HS3ST5: variants seen among roughly 807,000 people sequenced by gnomAD.
HS3ST5 encodes heparan sulfate glucosamine 3-O-sulfotransferase 5.
Under a neutral mutation model 25.4 loss-of-function variants are expected in HS3ST5, and 10 were observed. The observed-to-expected ratio is 0.39, with a 90% CI of 0.24 to 0.67. HS3ST5 has a LOEUF of 0.67. HS3ST5 is among the 30% of genes least tolerant of loss of function. The probability of loss-of-function intolerance (pLI) is 0.44; values close to 1 mark genes in which losing one functional copy is unlikely to be tolerated. For missense variants in HS3ST5, 324 were observed against 420.7 expected, an observed-to-expected ratio of 0.77 and a Z score of 2.01; for synonymous variants, 170 against 162.4, an observed-to-expected ratio of 1.05 and a Z score of -0.36.
At chr6:114,169,076 C>T (rs760660736) in intron 2 of HS3ST5, among the ~76,000 whole-genome samples, 59 of 152,108 alleles carry the variant, frequency 3.9e-4, no homozygotes, top group Non-Finnish European at 7.2e-4. Flanking sequence ...ATGAAACAGA[C>T]TGCAATGCCA....
intron 2 of HS3ST5, among the ~76,000 whole-genome samples, chr6:114,202,990 T>C (rs111601019): frequency 2.0e-5 from 3 of 152,218 alleles, no homozygotes; most frequent in Non-Finnish European, 2.9e-5. Context: ...AGTTGAGGCA[T>C]GGCCAACTCT....
intron 1 of HS3ST5, among the ~76,000 whole-genome samples, chr6:114,236,745 G>A (rs982713608): frequency 4.6e-5 from 7 of 152,170 alleles, no homozygotes; most frequent in Non-Finnish European, 8.8e-5. Context: ...TCTGAGCATA[G>A]GCATGATGCA....
chr6:114,273,955 T>C (rs868539168), intron 1 of HS3ST5, among the ~76,000 whole-genome samples: 1 of 151,870 alleles, frequency 6.6e-6, no homozygotes, highest in Non-Finnish European at 1.5e-5. Flanking sequence ...AAAGAAATTA[T>C]AGATGGAAGA....
chr6:114,192,276 T>C (rs1423140245), intron 2 of HS3ST5, among the ~76,000 whole-genome samples: 1 of 152,222 alleles, frequency 6.6e-6, no homozygotes, highest in East Asian at 1.9e-4. Context: ...AACTTGATGA[T>C]GGTTGAGTGT....
intron 2 of HS3ST5, among the ~76,000 whole-genome samples, chr6:114,219,169 G>C (rs1781912354): frequency 6.6e-6 from 1 of 152,110 alleles, no homozygotes. Flanking sequence ...TAAGTATTTG[G>C]ATATTATATT....
chr6:114,220,651 A>T (rs542093729), intron 2 of HS3ST5: 1 of 152,130 alleles, frequency 6.6e-6, no homozygotes, highest in East Asian at 1.9e-4. Context: ...GGCTTCATAA[A>T]TAATTTCATT....
At chr6:114,110,126 G>C (rs2114845656) in intron 3 of HS3ST5, among the ~76,000 whole-genome samples, 1 of 152,126 alleles carries the variant, frequency 6.6e-6, no homozygotes, top group African/African-American at 2.4e-5. Flanking sequence ...TCACCTCTTG[G>C]GATGACTTTT....
chr6:114,337,851 C>T (rs764304982), intron 1 of HS3ST5, among the ~76,000 whole-genome samples: 7 of 152,132 alleles, frequency 4.6e-5, no homozygotes, highest in Non-Finnish European at 8.8e-5. Context: ...CATATAGTAG[C>T]TGCAGAGCTT....
chr6:114,341,565 G>C (rs982649854), intron 1 of HS3ST5, among the ~76,000 whole-genome samples: 63 of 150,018 alleles, frequency 4.2e-4, no homozygotes, highest in African/African-American at 1.5e-3. Context: ...GTAACAGTAT[G>C]ACCACCCTTC....
At chr6:114,074,074 C>T (rs753540025) in intron 3 of HS3ST5, among the ~76,000 whole-genome samples, 7 of 151,924 alleles carry the variant, frequency 4.6e-5, no homozygotes, top group Non-Finnish European at 8.8e-5. Flanking sequence ...TGTTCTCACT[C>T]ATAAGTGGGA....
intron 1 of HS3ST5, among the ~76,000 whole-genome samples, chr6:114,294,042 G>A (rs1228527927): frequency 6.6e-6 from 1 of 152,194 alleles, no homozygotes; most frequent in South Asian, 2.1e-4. Flanking sequence ...AGCTGGATGA[G>A]AATATCCACC....
At chr6:114,059,506 C>G (rs1472570758) in intron 4 of HS3ST5, 1 of 152,210 alleles carries the variant, frequency 6.6e-6, no homozygotes, top group African/African-American at 2.4e-5. Flanking sequence ...CCACCCAAAT[C>G]TCATCCCGAA....
chr6:114,274,749 T>C (rs1457606491), intron 1 of HS3ST5, among the ~76,000 whole-genome samples: 2 of 152,040 alleles, frequency 1.3e-5, no homozygotes, highest in African/African-American at 4.8e-5. Flanking sequence ...TTAAGAGTGG[T>C]TGCAGCAAGG....
At chr6:114,243,886 A>G (rs1035355979) in intron 1 of HS3ST5, among the ~76,000 whole-genome samples, 6 of 152,140 alleles carry the variant, frequency 3.9e-5, no homozygotes, top group Non-Finnish European at 8.8e-5. Flanking sequence ...ATACACTCCT[A>G]GGAGGGTCCT....
At chr6:114,244,302 T>C (rs1326720462) in intron 1 of HS3ST5, among the ~76,000 whole-genome samples, 1 of 152,210 alleles carries the variant, frequency 6.6e-6, no homozygotes, top group Admixed American at 6.5e-5. Context: ...ATAAATTTAA[T>C]ATGGAATGAA....
chr6:114,271,228 T>C (rs996611837), intron 1 of HS3ST5, among the ~76,000 whole-genome samples: 2 of 152,132 alleles, frequency 1.3e-5, no homozygotes, highest in African/African-American at 4.8e-5. Flanking sequence ...TTCTGGTGTA[T>C]GTTGTTTCTC....
At chr6:114,240,207 C>T (rs966396172) in intron 1 of HS3ST5, among the ~76,000 whole-genome samples, 1 of 152,166 alleles carries the variant, frequency 6.6e-6, no homozygotes, top group Non-Finnish European at 1.5e-5. Flanking sequence ...CCCCTGCACG[C>T]TTCCTGACCT....
At chr6:114,102,781 C>T (rs1775796371) in intron 3 of HS3ST5, among the ~76,000 whole-genome samples, 1 of 152,134 alleles carries the variant, frequency 6.6e-6, no homozygotes. Context: ...AGTTTAAAAT[C>T]TGGCTTTTTA....
chr6:114,197,817 G>A (rs1054309476), intron 2 of HS3ST5, among the ~76,000 whole-genome samples: 2 of 152,094 alleles, frequency 1.3e-5, no homozygotes, highest in Non-Finnish European at 2.9e-5. Context: ...ATTTCAAAAA[G>A]GTAGAAATGC....
Sources: gnomAD v4.1 joint callset for allele counts (sites outside exome capture counted in the v4.1 genomes callset) on GRCh38, gnomAD v4.1.1 for gene constraint, MANE v1.5 for transcripts, NCBI Gene and HGNC (gene_info 2026-07-23, HGNC 2026-07-21) for gene names.